Variants in KCNJ6 observed in about 807,000 individuals in gnomAD.
KCNJ6 encodes the protein potassium inwardly rectifying channel subfamily J member 6.
Under a neutral mutation model 34.2 loss-of-function variants are expected in KCNJ6, and 9 were observed. The ratio of observed to expected loss-of-function variants is 0.26; its 90% CI spans 0.16 to 0.46. KCNJ6 has a LOEUF of 0.46. Among genes scored for constraint, KCNJ6 ranks in the 20% least tolerant of loss-of-function variants. The probability of loss-of-function intolerance (pLI) is 1.00; values close to 1 mark genes in which losing one functional copy is unlikely to be tolerated. For missense variants in KCNJ6, 236 were observed against 531.3 expected (o/e 0.44, Z 5.46); for synonymous variants, 196 against 207.1 (o/e 0.95, Z 0.46).
At chr21:37,902,990 AT>A (rs1010294994) in intron 1 of KCNJ6, among the ~76,000 whole-genome samples, 1 of 151,698 alleles carries the variant, frequency 6.6e-6, no homozygotes, top group South Asian at 2.1e-4. Context: ...TCTTAAGCCC[AT>A]TTTTTTTCCT....
intron 3 of KCNJ6, among the ~76,000 whole-genome samples, chr21:37,686,382 C>A (rs2054615185): frequency 6.6e-6 from 1 of 151,338 alleles, no homozygotes; most frequent in Admixed American, 6.6e-5. Context: ...GGAGAGAATG[C>A]CTATGATTGA....
At chr21:37,643,389 C>T (rs956560912) in intron 3 of KCNJ6, among the ~76,000 whole-genome samples, 1 of 152,174 alleles carries the variant, frequency 6.6e-6, no homozygotes, top group African/African-American at 2.4e-5. Context: ...CACTCAGAGC[C>T]AAGGGACCTG....
chr21:37,792,491 T>A (rs1447407685), intron 2 of KCNJ6, among the ~76,000 whole-genome samples: 2 of 152,218 alleles, frequency 1.3e-5, no homozygotes, highest in Non-Finnish European at 2.9e-5. Flanking sequence ...AGCAAAACTT[T>A]ATGCAATATT....
intron 2 of KCNJ6, among the ~76,000 whole-genome samples, chr21:37,834,901 T>C (rs2055444308): frequency 6.7e-6 from 1 of 149,292 alleles, no homozygotes; most frequent in African/African-American, 2.5e-5. Flanking sequence ...CTGGAGCTAC[T>C]CAGAATAAAG....
intron 2 of KCNJ6, among the ~76,000 whole-genome samples, chr21:37,766,106 T>G (rs966202221): frequency 6.6e-6 from 1 of 152,206 alleles, no homozygotes; most frequent in Admixed American, 6.5e-5. Context: ...TGTAACACCC[T>G]CATTCTGCAT....
chr21:37,668,804 C>G (rs975298711), intron 3 of KCNJ6, among the ~76,000 whole-genome samples: 2 of 152,146 alleles, frequency 1.3e-5, no homozygotes, highest in Non-Finnish European at 2.9e-5. Context: ...TATACTGACT[C>G]TAGTATAACA....
At chr21:37,859,488 TA>T (rs1362140208) in intron 1 of KCNJ6, among the ~76,000 whole-genome samples, 4 of 2,258 alleles carry the variant, frequency 1.8e-3, no homozygotes, top group Admixed American at 7.6e-3. Flanking sequence ...TATATTACTT[TA>T]TATATATATA....
At chr21:37,636,946 T>A (rs1297036676) in intron 3 of KCNJ6, among the ~76,000 whole-genome samples, 1 of 152,240 alleles carries the variant, frequency 6.6e-6, no homozygotes, top group African/African-American at 2.4e-5. Flanking sequence ...TTCTGAATAC[T>A]GTAAAATGAA....
intron 2 of KCNJ6, among the ~76,000 whole-genome samples, chr21:37,826,417 C>G (rs1269115375): frequency 6.6e-6 from 1 of 152,142 alleles, no homozygotes; most frequent in African/African-American, 2.4e-5. Flanking sequence ...AAAGTGGAGT[C>G]TGCAGGTGTG....
chr21:37,915,106 G>A (rs995934990), intron 1 of KCNJ6, among the ~76,000 whole-genome samples: 5 of 151,944 alleles, frequency 3.3e-5, no homozygotes, highest in African/African-American at 9.7e-5. Context: ...GCTTTTATTG[G>A]GTTTTGGGAA....
intron 2 of KCNJ6, among the ~76,000 whole-genome samples, chr21:37,726,060 C>T (rs1203056806): frequency 6.6e-6 from 1 of 152,158 alleles, no homozygotes; most frequent in African/African-American, 2.4e-5. Context: ...TGCATGCCAC[C>T]ATGCCTGGCT....
chr21:37,714,977 G>A lies in KCNJ6; in HGVS notation c.180C>T (p.Asp60=), dbSNP rs369579195. 276 of 1,614,088 alleles carry A rather than the reference G, an allele frequency of 1.7e-4. No individual in the cohort carries two copies. Among genetic ancestry groups the A allele is most frequent in the Non-Finnish European group, 1.9e-4 (230 of 1,180,056 alleles). The change falls in exon 3 of 4, where the codon GAC becomes GAT. Residue 60 remains aspartate (D), a synonymous_variant. Transcript: ENST00000609713. This position sits in a 1 kb window ranked among gnomAD's most constrained non-coding sequence, Gnocchi z 5.9. ...TGCCGTGATGAACATTGCACTTTCCGTCTTTCCTCACGTACCTCTGGATTT... is the reference window on the plus strand; with the variant it reads ...TGCCGTGATGAACATTGCACTTTCCATCTTTCCTCACGTACCTCTGGATTT... ...KRKIQRYVRK[D]GKCNVHHGNV...
chr21:37,693,822 C>T (rs374837780), intron 3 of KCNJ6, among the ~76,000 whole-genome samples: 13 of 152,272 alleles, frequency 8.5e-5, no homozygotes, highest in Admixed American at 2.0e-4. Context: ...CTCCCTCCAG[C>T]GGTACCCACT....
chr21:37,792,025 T>A (rs959459075), intron 2 of KCNJ6, among the ~76,000 whole-genome samples: 1 of 152,274 alleles, frequency 6.6e-6, no homozygotes, highest in Non-Finnish European at 1.5e-5. Flanking sequence ...TAAATTGATA[T>A]TGGAGAGATG....
intron 1 of KCNJ6, among the ~76,000 whole-genome samples, chr21:37,904,193 G>A (rs2055830561): frequency 6.6e-6 from 1 of 152,106 alleles, no homozygotes; most frequent in Admixed American, 6.6e-5. Flanking sequence ...TATTGTTTGG[G>A]TGATTTATAA....
At chr21:37,800,830 A>T (rs2055265720) in intron 2 of KCNJ6, among the ~76,000 whole-genome samples, 1 of 152,192 alleles carries the variant, frequency 6.6e-6, no homozygotes, top group Non-Finnish European at 1.5e-5. Flanking sequence ...CTCCCAGCCC[A>T]TGACTTTATG....
chr21:37,681,444 G>A (rs974215844), intron 3 of KCNJ6, among the ~76,000 whole-genome samples: 2 of 152,226 alleles, frequency 1.3e-5, no homozygotes, highest in Non-Finnish European at 2.9e-5. Flanking sequence ...TCTTATGTTG[G>A]TTTTGGTCTA....
chr21:37,865,103 C>T (rs745617106), intron 1 of KCNJ6, among the ~76,000 whole-genome samples: 8 of 152,134 alleles, frequency 5.3e-5, no homozygotes, highest in Admixed American at 5.2e-4. Context: ...CAGGATTGAG[C>T]CCTAATCCTG....
At chr21:37,869,223 C>T (rs1179356586) in intron 1 of KCNJ6, among the ~76,000 whole-genome samples, 1 of 152,250 alleles carries the variant, frequency 6.6e-6, no homozygotes, top group Non-Finnish European at 1.5e-5. Context: ...AGGGGCTGCT[C>T]TCCCATTTCC....
Sources: allele counts gnomAD v4.1 joint callset (sites outside exome capture counted in the v4.1 genomes callset), GRCh38; gene constraint gnomAD v4.1.1; non-coding constraint Gnocchi (gnomAD v3.1); transcripts MANE v1.5; gene names NCBI Gene and HGNC (gene_info 2026-07-23, HGNC 2026-07-21).